SPATA13: variants seen among roughly 807,000 people sequenced by gnomAD.
The protein encoded by SPATA13 is spermatogenesis associated 13, also known as spermatogenesis-associated protein 13.
Under a neutral mutation model 104.0 loss-of-function variants are expected in SPATA13, and 50 were observed. The observed-to-expected ratio is 0.48, with a 90% CI of 0.38 to 0.61. The LOEUF (loss-of-function observed/expected upper bound fraction) is 0.61. SPATA13 is among the 20% of genes least tolerant of loss of function. The probability of loss-of-function intolerance (pLI) is 0.00; values close to 1 mark genes in which losing one functional copy is unlikely to be tolerated. For missense variants in SPATA13, 1,524 were observed against 1,690.6 expected (o/e 0.90, Z 1.73); for synonymous variants, 606 against 667.5 (o/e 0.91, Z 1.42).
chr13:24,037,972 C>T (rs1435865708), intron 3 of SPATA13, among the ~76,000 whole-genome samples: 1 of 151,934 alleles, frequency 6.6e-6, no homozygotes, highest in Non-Finnish European at 1.5e-5. Context: ...ATTGCAGTGG[C>T]ACAATCTTGG....
At chr13:24,218,249 G>A (rs1015028733) in intron 1 of SPATA13, among the ~76,000 whole-genome samples, 2 of 152,180 alleles carry the variant, frequency 1.3e-5, no homozygotes. Flanking sequence ...ATGCAGGCTG[G>A]GAATGAGGCA....
chr13:24,107,425 T>C (rs1225268434), intron 3 of SPATA13, among the ~76,000 whole-genome samples: 1 of 152,130 alleles, frequency 6.6e-6, no homozygotes, highest in African/African-American at 2.4e-5. Flanking sequence ...TGCCAAATGT[T>C]AAAAAGAAAT....
chr13:24,107,804 T>C (rs978123692), intron 3 of SPATA13, among the ~76,000 whole-genome samples: 1 of 152,230 alleles, frequency 6.6e-6, no homozygotes, highest in Non-Finnish European at 1.5e-5. Context: ...AGAACTCTAA[T>C]AAGATGTGTA....
At chr13:24,211,028 T>C (rs1271393195) in intron 1 of SPATA13, among the ~76,000 whole-genome samples, 1 of 152,234 alleles carries the variant, frequency 6.6e-6, no homozygotes, top group Non-Finnish European at 1.5e-5. Flanking sequence ...GTTTTCTTGA[T>C]TTCTTTTCAG....
At chr13:24,064,680 T>C (rs1878886787) in intron 3 of SPATA13, among the ~76,000 whole-genome samples, 1 of 152,182 alleles carries the variant, frequency 6.6e-6, no homozygotes, top group African/African-American at 2.4e-5. Flanking sequence ...AAGACAAATT[T>C]CTGTTGGCTC....
intron 3 of SPATA13, among the ~76,000 whole-genome samples, chr13:24,020,035 G>A (rs1321039095): frequency 6.6e-6 from 1 of 152,126 alleles, no homozygotes; most frequent in Non-Finnish European, 1.5e-5. Context: ...CATTGTGTGA[G>A]GTGCGGACTC....
At chr13:24,042,640 G>T (rs1566083146) in intron 3 of SPATA13, among the ~76,000 whole-genome samples, 1 of 152,190 alleles carries the variant, frequency 6.6e-6, no homozygotes, top group Non-Finnish European at 1.5e-5. Flanking sequence ...ATTACCAGGG[G>T]GTAAACCTTA....
chr13:24,243,471 T>A (rs1872957045), intron 2 of SPATA13, among the ~76,000 whole-genome samples: 2 of 152,208 alleles, frequency 1.3e-5, no homozygotes, highest in South Asian at 4.1e-4. Context: ...ATGCTAAGTA[T>A]GCAGGCTTTC....
chr13:24,258,908 C>T lies in SPATA13; in HGVS notation c.2164+7046C>T, dbSNP rs116295907. Among the ~76,000 whole-genome samples the T allele has an allele frequency of 1.3e-3, 191 of 152,328 alleles. 2 individuals are homozygous for T. The highest frequency in any genetic ancestry group is 3.8e-3 in the African/African-American group (160 of 41,576). On this transcript the variant is annotated intron_variant, in intron 4 of 12. Coordinates refer to ENST00000382108, the MANE Select transcript of SPATA13 (RefSeq NM_001166271.3). The stretch of plus-strand genomic sequence containing the variant: ...ACTGCTCTTCCACTACTCAGGTCCA[C>T]GTCAGGAGCTTTGTCAGGGCAGGAA...
chr13:24,019,078 A>C (rs12430243), intron 3 of SPATA13, among the ~76,000 whole-genome samples: 50,156 of 133,386 alleles, frequency 0.38, 8,946 homozygotes, highest in East Asian at 0.57. Context: ...TATGATTCTT[A>C]TTATTATTAT....
At position 24,286,980 on chromosome 13, in the gene SPATA13, G is replaced by C; in HGVS notation, c.2667+30G>C. ...GACGCCAGGCTGGGACCTCACTGAG[G>C]GTCACAGTATGAGGCTGCATGAGGT... On this transcript the variant is annotated intron_variant, in intron 7 of 12. Transcript: ENST00000382108. The surrounding 1 kb of genome is among the most constrained non-coding windows in gnomAD (Gnocchi z 4.9). The C allele has an allele frequency of 6.2e-7, 1 of 1,603,406 alleles. No individual in the cohort carries two copies. The highest frequency in any genetic ancestry group is 1.1e-5 in the South Asian group (1 of 90,084).
At chr13:24,208,547 C>T (rs1388873748) in intron 1 of SPATA13, among the ~76,000 whole-genome samples, 2 of 145,834 alleles carry the variant, frequency 1.4e-5, no homozygotes. Flanking sequence ...TCCAGTGGAT[C>T]GGTTAGTCAT....
intron 3 of SPATA13, among the ~76,000 whole-genome samples, chr13:24,049,415 C>T (rs888655619): frequency 1.3e-5 from 2 of 152,172 alleles, no homozygotes; most frequent in Non-Finnish European, 2.9e-5. Flanking sequence ...AACGTGCAGC[C>T]TCGCTGTTTG....
At chr13:24,214,574 G>A (rs2138594745) in intron 1 of SPATA13, among the ~76,000 whole-genome samples, 1 of 152,326 alleles carries the variant, frequency 6.6e-6, no homozygotes, top group African/African-American at 2.4e-5. Flanking sequence ...GCAATTCAAA[G>A]CAAAGAACCC....
chr13:24,128,546 C>T (rs9511070), intron 3 of SPATA13, among the ~76,000 whole-genome samples: 102,574 of 151,730 alleles, frequency 0.68, 35,346 homozygotes, highest in East Asian at 0.93. Flanking sequence ...AGGTAGCTTT[C>T]TGAGAATAGC....
In SPATA13 at chr13:24,295,139, G is replaced by A. The variant is rs572460991; in HGVS notation, c.3210+271G>A. ...TCTCTCTCCTCGTAGAGGGAGTACC[G>A]TGGGAACAGTAGAGGGCATTTCAGT... On this transcript the variant is annotated intron_variant, in intron 10 of 12. Transcript: ENST00000382108. Among the ~76,000 whole-genome samples, 4 of 152,216 alleles carry A rather than the reference G, an allele frequency of 2.6e-5. No individual in the cohort carries two copies. In the South Asian group the frequency reaches 6.2e-4, roughly 24 times the overall value.
chr13:24,262,976 A>G (rs1874130898), intron 4 of SPATA13, among the ~76,000 whole-genome samples: 2 of 152,190 alleles, frequency 1.3e-5, no homozygotes, highest in African/African-American at 2.4e-5. Flanking sequence ...AAGAAACTTG[A>G]CTGGGTCTTT....
chr13:24,099,031 G>A (rs1880174212), intron 3 of SPATA13, among the ~76,000 whole-genome samples: 1 of 152,130 alleles, frequency 6.6e-6, no homozygotes. Flanking sequence ...GCTGCAGTGA[G>A]CTATGATCAT....
chr13:24,173,158 C>G (rs1593380139), intron 1 of SPATA13, among the ~76,000 whole-genome samples: 1 of 152,000 alleles, frequency 6.6e-6, no homozygotes. Context: ...GCTCACTGCA[C>G]CCTCCGCCTC....
Sources: gnomAD v4.1 joint callset for allele counts (sites outside exome capture counted in the v4.1 genomes callset) on GRCh38, gnomAD v4.1.1 for gene constraint, Gnocchi (gnomAD v3.1) non-coding constraint, MANE v1.5 for transcripts, NCBI Gene and HGNC (gene_info 2026-07-23, HGNC 2026-07-21) for gene names.